The following AKAP13 variants were observed in gnomAD, a reference collection of about 807,000 sequenced individuals.
AKAP13 encodes A-kinase anchoring protein 13.
Under a neutral mutation model 264.5 loss-of-function variants are expected in AKAP13, and 80 were observed. That is an observed-to-expected ratio of 0.30 (90% CI 0.25 to 0.36). AKAP13 has a LOEUF of 0.36. AKAP13 is among the 10% of genes least tolerant of loss of function. AKAP13 has a pLI of 1.00. For synonymous variants in AKAP13, 1,380 were observed against 1,250.2 expected, an observed-to-expected ratio of 1.10 and a Z score of -2.19; for missense variants, 3,712 against 3,435.2, an observed-to-expected ratio of 1.08 and a Z score of -2.01.
Position 85,580,042 on chromosome 15 carries a change from C to A in AKAP13, c.1974C>A (p.Asp658Glu). ...KSSPICSTTG[D>E]DKLCADSACQ... The stretch of plus-strand genomic sequence containing the variant: ...CACCCATTTGTTCTACAACTGGAGA[C>A]GATAAACTTTGTGCAGACTCTGCAT... Residue 658 changes from aspartate (D) to glutamate (E), a missense_variant, in exon 7 of 37, where the codon GAC (aspartate) becomes GAA (glutamate). Physicochemically the swap from Asp to Glu is conservative, Grantham distance 45. Transcript: ENST00000394518. The A allele has an allele frequency of 6.2e-7, 1 of 1,614,154 alleles. No individual in the cohort carries two copies. The highest frequency in any genetic ancestry group is 8.5e-7 in the Non-Finnish European group (1 of 1,180,024).
chr15:85,738,576 T>TTG (rs1450659777), intron 33 of AKAP13, among the ~76,000 whole-genome samples: 1 of 151,778 alleles, frequency 6.6e-6, no homozygotes, highest in African/African-American at 2.4e-5. Context: ...CGTTAAATGT[T>TTG]TGGTGTTTTC....
chr15:85,687,054 C>T (rs981761933), intron 16 of AKAP13, among the ~76,000 whole-genome samples: 3 of 152,076 alleles, frequency 2.0e-5, no homozygotes, highest in African/African-American at 4.8e-5. Flanking sequence ...AGTGAATGTA[C>T]CACTCATCTC....
At chr15:85,559,888 T>C (rs2078298588) in intron 5 of AKAP13, among the ~76,000 whole-genome samples, 1 of 152,144 alleles carries the variant, frequency 6.6e-6, no homozygotes, top group Non-Finnish European at 1.5e-5. Flanking sequence ...TTATAACTTA[T>C]AATCACTTAG....
intron 35 of AKAP13, among the ~76,000 whole-genome samples, chr15:85,742,318 A>G (rs2089079937): frequency 6.6e-6 from 1 of 152,226 alleles, no homozygotes; most frequent in Admixed American, 6.5e-5. Context: ...CCCAACCTGA[A>G]GGAACTTGTA....
chr15:85,598,285 G>C (rs1277125240), intron 8 of AKAP13, among the ~76,000 whole-genome samples: 7 of 152,136 alleles, frequency 4.6e-5, no homozygotes, highest in African/African-American at 1.7e-4. Flanking sequence ...ATTCTGGAGA[G>C]GATGCATGAT....
At position 85,578,925 on chromosome 15, in the gene AKAP13, C is replaced by T. The variant is rs767495616; in HGVS notation, c.862-5C>T. 2 of 1,602,102 alleles carry T rather than the reference C, an allele frequency of 1.2e-6. No individual in the cohort carries two copies. The highest frequency in any genetic ancestry group is 1.1e-5 in the South Asian group (1 of 90,734). On this transcript the variant is annotated splice_polypyrimidine_tract_variant and splice_region_variant and intron_variant, in intron 6 of 36. Transcript: ENST00000394518. ...TTTTTAAAAGTGTATTTCATTTCCT[C>T]CTAGAAAACAAACCTCAAGCAGATG...
At chr15:85,734,168 T>G (rs544848813) in intron 30 of AKAP13, among the ~76,000 whole-genome samples, 11 of 152,336 alleles carry the variant, frequency 7.2e-5, no homozygotes, top group African/African-American at 2.6e-4. Flanking sequence ...TTTGGTCACC[T>G]ATTTTATGGA....
At chr15:85,595,236 A>C (rs887127872) in intron 8 of AKAP13, among the ~76,000 whole-genome samples, 1 of 152,036 alleles carries the variant, frequency 6.6e-6, no homozygotes, top group Non-Finnish European at 1.5e-5. Context: ...AATAGCTGAG[A>C]CCACAGGTGC....
At chr15:85,386,780 G>C (rs1178860637) in intron 1 of AKAP13, among the ~76,000 whole-genome samples, 1 of 150,164 alleles carries the variant, frequency 6.7e-6, no homozygotes, top group South Asian at 2.1e-4. Context: ...TTTTTTGCAA[G>C]TTGATCATAA....
rs2087483323 is a variant in AKAP13 at position 85,724,505 on chromosome 15, C to G, written c.6745+1185C>G. 5.1e-5 allele frequency among the ~76,000 whole-genome samples: 1 copy of G among 19,436 alleles called. No homozygotes were observed. Among genetic ancestry groups the G allele is most frequent in the Non-Finnish European group, 8.6e-5 (1 of 11,690 alleles). 12.8% of individuals were successfully genotyped at this position (19,436 alleles called of 152,430 possible). A position where few individuals can be genotyped will look rare whatever the true frequency, so the allele number is the denominator to read the frequency against. ...GGCACATCCAGGGAAGAGTGGACAC[C>G]CGGGACTCTCACGTGAGAGAGCAGA... is the stretch of plus-strand genomic sequence containing the variant. On this transcript the variant is annotated intron_variant, in intron 26 of 36. Transcript: ENST00000394518. This position sits in a 1 kb window ranked among gnomAD's most constrained non-coding sequence, Gnocchi z 4.2.
chr15:85,591,926 A>G (rs1388637387), intron 8 of AKAP13, among the ~76,000 whole-genome samples: 1 of 152,234 alleles, frequency 6.6e-6, no homozygotes, highest in Non-Finnish European at 1.5e-5. Flanking sequence ...ACTCAAGAAC[A>G]ACTATGTTCA....
intron 10 of AKAP13, among the ~76,000 whole-genome samples, chr15:85,655,164 C>T (rs932199041): frequency 6.6e-6 from 1 of 152,090 alleles, no homozygotes; most frequent in Non-Finnish European, 1.5e-5. Flanking sequence ...TGTACTCCAG[C>T]CTGGGCGACA....
At chr15:85,665,613 T>A (rs534044900) in intron 13 of AKAP13, among the ~76,000 whole-genome samples, 12 of 152,310 alleles carry the variant, frequency 7.9e-5, no homozygotes, top group African/African-American at 2.4e-4. Context: ...TGTGCCGTGT[T>A]GGTTTGCTGC....
At chr15:85,728,446 A>C (rs547114014) in intron 29 of AKAP13, among the ~76,000 whole-genome samples, 1 of 152,302 alleles carries the variant, frequency 6.6e-6, no homozygotes, top group Non-Finnish European at 1.5e-5. Context: ...TCCTTCTTTA[A>C]ATTTTGTCAA....
At chr15:85,662,435 C>G (rs776311436) in intron 12 of AKAP13, 2 of 1,614,004 alleles carry the variant, frequency 1.2e-6, no homozygotes, top group African/African-American at 2.7e-5. Context: ...GGCCTGAGTG[C>G]TGACTTTAAT....
At position 85,645,920 on chromosome 15, in the gene AKAP13, C is replaced by G. The variant is rs748176498; in HGVS notation, c.4340C>G (p.Pro1447Arg). ...SGSDSDLFHS[P>R]SDDMDSIIFP... ...AGTGATTCTGACCTCTTTCACTCAC[C>G]CAGTGATGACATGGACAGCATCATC... Residue 1447 changes from proline (P) to arginine (R), a missense_variant, in exon 10 of 37, where the codon CCC (proline) becomes CGC (arginine). This residue lies in a region of AKAP13 where 2,759 missense variants were observed against 2,411.7 expected (regional missense o/e 1.14). Coordinates refer to ENST00000394518, the MANE Select transcript of AKAP13 (RefSeq NM_007200.5). The G allele has an allele frequency of 1.5e-5, 24 of 1,613,400 alleles. 1 individual carries two copies. In the South Asian group the frequency reaches 1.5e-4, roughly 10 times the overall value.
At chr15:85,381,629 G>C (rs778869660) in intron 1 of AKAP13, 1 of 142,200 alleles carries the variant, frequency 7.0e-6, no homozygotes, top group Non-Finnish European at 1.5e-5. Flanking sequence ...AGATAGGTTT[G>C]TTTTGTTTTG....
intron 9 of AKAP13, among the ~76,000 whole-genome samples, chr15:85,644,062 C>A (rs2082430897): frequency 6.6e-6 from 1 of 152,026 alleles, no homozygotes; most frequent in Non-Finnish European, 1.5e-5. Flanking sequence ...TTTGAATTTG[C>A]TTCCCCCAAA....
intron 29 of AKAP13, among the ~76,000 whole-genome samples, chr15:85,728,185 G>A (rs930521022): frequency 6.6e-6 from 1 of 152,194 alleles, no homozygotes; most frequent in Non-Finnish European, 1.5e-5. Context: ...TCTTAGCAAA[G>A]CCTGTTGCTC....
Sources: allele counts gnomAD v4.1 joint callset (sites outside exome capture counted in the v4.1 genomes callset), GRCh38; gene constraint gnomAD v4.1.1; regional missense constraint gnomAD v4.1.1; non-coding constraint Gnocchi (gnomAD v3.1); transcripts MANE v1.5; gene names NCBI Gene and HGNC (gene_info 2026-07-23, HGNC 2026-07-21).